Variants in GID4 observed in about 807,000 individuals in gnomAD.
GID4 encodes the protein GID complex subunit 4 homolog.
GID4 carries 7 observed loss-of-function variants against 32.4 expected under a neutral mutation model. The observed-to-expected ratio is 0.22, with a 90% CI of 0.12 to 0.41. GID4 has a LOEUF of 0.41. Ranked by LOEUF, GID4 falls within the 10% of genes least tolerant of loss-of-function variation. The probability of loss-of-function intolerance (pLI) is 1.00; values close to 1 mark genes in which losing one functional copy is unlikely to be tolerated. For missense variants in GID4, 309 were observed against 400.0 expected (o/e 0.77, Z 1.94); for synonymous variants, 166 against 170.0 (o/e 0.98, Z 0.18).
chr17:18,039,517 C>A lies in GID4; in HGVS notation c.53C>A (p.Pro18His). 7.6e-7 allele frequency: 1 copy of A among 1,313,622 alleles called. No individual in the cohort carries two copies. The highest frequency in any genetic ancestry group is 2.3e-5 in the South Asian group (1 of 43,436). The allele number at this position is 1,313,622 out of a possible 1,614,324, so 81.4% of individuals were successfully genotyped here. Residue 18 changes from proline to histidine, a missense_variant, in exon 1 of 6, where the codon CCC (proline) becomes CAC (histidine). By Grantham distance (77) the Pro-to-His change is moderately conservative. Transcript: ENST00000268719. The surrounding 1 kb of genome is among the most constrained non-coding windows in gnomAD (Gnocchi z 5.3). ...GRGTQLRTGR[P>H]CSQVPGSRWR... is the part of the protein sequence containing the mutation. ...GGGACCCAGCTCAGGACTGGGAGGCCCTGCTCGCAGGTCCCTGGGTCCCGG... is the reference window on the plus strand; with the variant it reads ...GGGACCCAGCTCAGGACTGGGAGGCACTGCTCGCAGGTCCCTGGGTCCCGG...
intron 1 of GID4, among the ~76,000 whole-genome samples, chr17:18,043,286 G>A (rs777854641): frequency 2.0e-5 from 3 of 152,200 alleles, no homozygotes; most frequent in Non-Finnish European, 2.9e-5. Flanking sequence ...GTTGAATGGA[G>A]GCCAAGCTGA....
At chr17:18,048,619 G>GT in intron 2 of GID4, among the ~76,000 whole-genome samples, 1 of 152,156 alleles carries the variant, frequency 6.6e-6, no homozygotes, top group South Asian at 2.1e-4. Flanking sequence ...TTCCATTTAT[G>GT]TTTGTTAAAA....
At chr17:18,055,862 A>G (rs2044962064) in intron 3 of GID4, among the ~76,000 whole-genome samples, 1 of 151,390 alleles carries the variant, frequency 6.6e-6, no homozygotes, top group African/African-American at 2.4e-5. Flanking sequence ...GTTTTGAGAC[A>G]GAGTCTCAGT....
chr17:18,054,187 T>C lies in GID4; in HGVS notation c.559T>C (p.Leu187=). The C allele has an allele frequency of 6.2e-7, 1 of 1,613,546 alleles. No homozygotes were observed. The highest frequency in any genetic ancestry group is 8.5e-7 in the Non-Finnish European group (1 of 1,179,604). The change falls in exon 3 of 6, where the codon TTA becomes CTA. Residue 187 remains leucine, a synonymous_variant. Coordinates refer to ENST00000268719, the MANE Select transcript of GID4 (RefSeq NM_024052.5). ...GEIISKKHPF[L]TRKWDADEDV... ...AATAATCAGCAAAAAACACCCTTTCTTAACTCGCAAGTGGGATGCAGATGA... is the reference window on the plus strand; with the variant it reads ...AATAATCAGCAAAAAACACCCTTTCCTAACTCGCAAGTGGGATGCAGATGA...
In GID4 at chr17:18,065,601, C is replaced by A; in HGVS notation, c.*358C>A. 3.2e-6 allele frequency: 1 copy of A among 315,594 alleles called. No homozygotes were observed. The highest frequency in any genetic ancestry group is 2.8e-5 in the South Asian group (1 of 36,174). 19.5% of individuals were successfully genotyped at this position (315,594 alleles called of 1,614,324 possible). On this transcript the variant is annotated 3_prime_UTR_variant, in exon 6 of 6. Coordinates refer to ENST00000268719, the MANE Select transcript of GID4 (RefSeq NM_024052.5). ...ATAGAAGGTCTGCTCCCGGATCACC[C>A]TCAGCCTTGGTGCTCAGTGGTCCCG...
rs769796611 is a variant in GID4, at chr17:18,054,182, C to G, written c.554C>G (p.Pro185Arg). The G allele has an allele frequency of 6.2e-7, 1 of 1,613,356 alleles. No homozygotes were observed. Among genetic ancestry groups the G allele is most frequent in the Admixed American group, 1.7e-5 (1 of 59,976 alleles). Residue 185 changes from proline (P) to arginine (R), a missense_variant, in exon 3 of 6, where the codon CCT becomes CGT. Around this residue, in one of 2 missense-constraint regions of GID4, gnomAD observed 116 missense variants for 214.2 expected, o/e 0.54. Transcript: ENST00000268719. ...FEGEIISKKH[P>R]FLTRKWDADE... ...GGAGAAATAATCAGCAAAAAACACCCTTTCTTAACTCGCAAGTGGGATGCA... is the reference window on the plus strand; with the variant it reads ...GGAGAAATAATCAGCAAAAAACACCGTTTCTTAACTCGCAAGTGGGATGCA...
At chr17:18,060,280 C>G (rs1172004885) in intron 4 of GID4, among the ~76,000 whole-genome samples, 1 of 150,930 alleles carries the variant, frequency 6.6e-6, no homozygotes, top group Non-Finnish European at 1.5e-5. Flanking sequence ...CGCCTGTAAT[C>G]CCAGCTACTC....
chr17:18,056,625 C>T, intron 3 of GID4: 1 of 1,403,082 alleles, frequency 7.1e-7, no homozygotes, highest in Non-Finnish European at 9.7e-7. Flanking sequence ...GGCCCAGTGA[C>T]ACTCAGTTTT....
In GID4 at chr17:18,058,946, G is replaced by C; in HGVS notation, c.685G>C (p.Asp229His). The C allele has an allele frequency of 6.2e-7, 1 of 1,610,678 alleles. No individual in the cohort carries two copies. The change falls in exon 4 of 6, where the codon GAC (aspartate) becomes CAC (histidine). Residue 229 changes from aspartate (D) to histidine (H), a missense_variant. This residue lies in a region of GID4 where 116 missense variants were observed against 214.2 expected (regional missense o/e 0.54). Coordinates refer to ENST00000268719, the MANE Select transcript of GID4 (RefSeq NM_024052.5). Reference sequence around the variant, plus strand: ...TGATTATGAAGAGCTGAAGAATGGAGACTACGTCTTCATGAGGTGGAAGGT... The same window carrying C: ...TGATTATGAAGAGCTGAAGAATGGACACTACGTCTTCATGAGGTGGAAGGT... ...DFDYEELKNG[D>H]YVFMRWKEQF...
rs182006393 is a variant in GID4 at position 18,065,253 on chromosome 17, A to C, written c.*10A>C. 1.2e-6 allele frequency: 2 copies of C among 1,609,734 alleles called. No individual in the cohort carries two copies. Among genetic ancestry groups the C allele is most frequent in the Non-Finnish European group, 1.7e-6 (2 of 1,175,924 alleles). ...CTATGAATTCCGGTGACAACGGTTC[A>C]GAACAGCAACCAAATAAAACTGAAC... On this transcript the variant is annotated 3_prime_UTR_variant, in exon 6 of 6. Transcript: ENST00000268719.
In GID4 at chr17:18,066,495, TG is replaced by T. The variant is rs750097611; in HGVS notation, c.*1253del. 1 of 151,956 alleles carries T rather than the reference TG, an allele frequency of 6.6e-6. No individual in the cohort carries two copies. Among genetic ancestry groups the T allele is most frequent in the African/African-American group, 2.4e-5 (1 of 41,324 alleles). 9.4% of individuals were successfully genotyped at this position (151,956 alleles called of 1,614,324 possible). A position where few individuals can be genotyped will look rare whatever the true frequency, so the allele number is the denominator to read the frequency against. Reference sequence around the variant, plus strand: ...GTGTGTGTGTGTGTGTATGATGTTTTGTTTTTTTAAATGTTTTAAAAGCTTA... The same window carrying T: ...GTGTGTGTGTGTGTGTATGATGTTTTTTTTTTTAAATGTTTTAAAAGCTTA... On this transcript the variant is annotated 3_prime_UTR_variant, in exon 6 of 6. Transcript: ENST00000268719.
chr17:18,039,919 G>T lies in GID4; in HGVS notation c.438+17G>T. ...GTGCTGCAGGTGAGCGCCGGGCCGGGCCGGGGCCCGAGGGCCTCCTCGCGG... is the reference window on the plus strand; with the variant it reads ...GTGCTGCAGGTGAGCGCCGGGCCGGTCCGGGGCCCGAGGGCCTCCTCGCGG... On this transcript the variant is annotated intron_variant, in intron 1 of 5. Transcript: ENST00000268719. This position sits in a 1 kb window ranked among gnomAD's most constrained non-coding sequence, Gnocchi z 5.3. The T allele has an allele frequency of 1.5e-6, 2 of 1,364,530 alleles. No homozygotes were observed. The highest frequency in any genetic ancestry group is 1.9e-6 in the Non-Finnish European group (2 of 1,050,630). 84.5% of individuals were successfully genotyped at this position (1,364,530 alleles called of 1,614,324 possible).
At chr17:18,063,053 G>A (rs2045029789) in intron 5 of GID4, among the ~76,000 whole-genome samples, 1 of 149,788 alleles carries the variant, frequency 6.7e-6, no homozygotes, top group Non-Finnish European at 1.5e-5. Context: ...CAGCCTGGGC[G>A]ACAGAGCGAG....
chr17:18,048,787 C>T (rs1225538831), intron 2 of GID4, among the ~76,000 whole-genome samples: 2 of 151,616 alleles, frequency 1.3e-5, no homozygotes, highest in African/African-American at 4.8e-5. Context: ...GAATTACAGG[C>T]ATGTGCCACC....
chr17:18,044,283 G>C (rs115979081), intron 1 of GID4, among the ~76,000 whole-genome samples: 2 of 152,194 alleles, frequency 1.3e-5, no homozygotes, highest in Non-Finnish European at 2.9e-5. Context: ...AGGGACACCT[G>C]TGTGCCTTAG....
At chr17:18,044,514 A>G (rs1325267923) in intron 1 of GID4, among the ~76,000 whole-genome samples, 2 of 152,234 alleles carry the variant, frequency 1.3e-5, no homozygotes, top group Non-Finnish European at 2.9e-5. Flanking sequence ...GCATCCATAT[A>G]TAAAATGCAC....
In GID4 at chr17:18,054,544, G is replaced by A. The variant is rs74335748; in HGVS notation, c.606+310G>A. ...CTTCCCACCTGTTTGTCCATCTTCT[G>A]TCCACTGTTCCTTTCAAATCACCTC... is the stretch of plus-strand genomic sequence containing the variant. On this transcript the variant is annotated intron_variant, in intron 3 of 5. Coordinates refer to ENST00000268719, the MANE Select transcript of GID4 (RefSeq NM_024052.5). Among the ~76,000 whole-genome samples, 13 of 152,214 alleles carry A rather than the reference G, an allele frequency of 8.5e-5. No homozygotes were observed. The East Asian group carries it at 2.5e-3, about 29-fold the overall frequency.
At chr17:18,055,089 T>G (rs973617222) in intron 3 of GID4, among the ~76,000 whole-genome samples, 5 of 149,782 alleles carry the variant, frequency 3.3e-5, no homozygotes, top group Non-Finnish European at 7.4e-5. Flanking sequence ...GAGAATGGCG[T>G]GAACCCAGGA....
intron 1 of GID4, among the ~76,000 whole-genome samples, chr17:18,043,705 T>C (rs1320005914): frequency 6.6e-6 from 1 of 152,220 alleles, no homozygotes; most frequent in Non-Finnish European, 1.5e-5. Context: ...CATTACAGTT[T>C]TTAAGCATGG....
Sources: allele counts gnomAD v4.1 joint callset (sites outside exome capture counted in the v4.1 genomes callset), GRCh38; gene constraint gnomAD v4.1.1; regional missense constraint gnomAD v4.1.1; non-coding constraint Gnocchi (gnomAD v3.1); transcripts MANE v1.5; gene names NCBI Gene and HGNC (gene_info 2026-07-23, HGNC 2026-07-21).